SSR3: variants seen among roughly 807,000 people sequenced by gnomAD.
SSR3 encodes the protein signal sequence receptor subunit 3, also known as translocon-associated protein subunit gamma.
SSR3 carries 10 observed loss-of-function variants against 22.1 expected under a neutral mutation model. The ratio of observed to expected loss-of-function variants is 0.45; its 90% CI spans 0.28 to 0.77. The LOEUF is 0.77. Among genes scored for constraint, SSR3 ranks in the 30% least tolerant of loss-of-function variants. The probability of loss-of-function intolerance (pLI) is 0.13; values close to 1 mark genes in which losing one functional copy is unlikely to be tolerated. For missense variants in SSR3, 181 were observed against 220.5 expected (o/e 0.82, Z 1.13); for synonymous variants, 104 against 82.5 (o/e 1.26, Z -1.42).
chr3:156,553,949 T>C (rs1220352163), intron 1 of SSR3, 168 bp from the exon 2 acceptor site: 7 of 566,170 alleles, frequency 1.2e-5, no homozygotes, highest in East Asian at 6.4e-5. Flanking sequence ...CCAGTAACAG[T>C]ATAGTCTCAA....
chr3:156,544,164 G>A (rs1351654467), intron 4 of SSR3, 144 bp downstream of exon 4: 5 of 570,494 alleles, frequency 8.8e-6, no homozygotes, highest in Non-Finnish European at 1.4e-5. Context: ...TAAATGTCCA[G>A]AAAGTTATCT....
chr3:156,542,029 G>C lies in SSR3; in HGVS notation c.*1174C>G, dbSNP rs1210573636. On this transcript the variant is annotated 3_prime_UTR_variant, in exon 5 of 5. Coordinates refer to ENST00000265044, the MANE Select transcript of SSR3 (RefSeq NM_007107.5). ...AAAGATTAGGACTATATTTCCTTTG[G>C]GGTGCTGCTTGTAGGAAATTACTGA... The C allele has an allele frequency of 6.6e-6, 1 of 152,112 alleles. No individual in the cohort carries two copies. The allele number at this position is 152,112 out of a possible 1,614,324, so 9.4% of individuals were successfully genotyped here. A position where few individuals can be genotyped will look rare whatever the true frequency, so the allele number is the denominator to read the frequency against.
intron 2 of SSR3, among the ~76,000 whole-genome samples, chr3:156,552,668 G>A (rs1720005336): frequency 6.6e-6 from 1 of 152,116 alleles, no homozygotes; most frequent in South Asian, 2.1e-4. Context: ...GCACCTAGAT[G>A]ACCCCATCAA....
chr3:156,539,611 C>T lies in SSR3; in HGVS notation c.*3592G>A, dbSNP rs948139590. Among the ~76,000 whole-genome samples, 7 of 151,988 alleles carry T rather than the reference C, an allele frequency of 4.6e-5. No homozygotes were observed. The highest frequency in any genetic ancestry group is 1.2e-4 in the African/African-American group (5 of 41,290). ...AGGCCAACGAGAAGTTAGCCTCTATCGCCCTGAAAATTTAAACCAACCCCC... is the reference window on the plus strand; with the variant it reads ...AGGCCAACGAGAAGTTAGCCTCTATTGCCCTGAAAATTTAAACCAACCCCC... On this transcript the variant is annotated 3_prime_UTR_variant, in exon 5 of 5. Coordinates refer to ENST00000265044, the MANE Select transcript of SSR3 (RefSeq NM_007107.5).
intron 2 of SSR3, among the ~76,000 whole-genome samples, chr3:156,551,679 T>G (rs1031295676): frequency 3.3e-5 from 5 of 152,148 alleles, no homozygotes; most frequent in Non-Finnish European, 7.4e-5. Context: ...AATAAACCCC[T>G]GTTAACTGAG....
intron 3 of SSR3, among the ~76,000 whole-genome samples, chr3:156,545,205 G>A (rs1460137930): frequency 3.9e-5 from 6 of 152,208 alleles, no homozygotes; most frequent in African/African-American, 1.2e-4. Context: ...TTAGTGGGAT[G>A]TGAACTCAAT....
chr3:156,553,754 T>C lies in SSR3; in HGVS notation c.161A>G (p.Asp54Gly). ...ATACAAAACAGCAGACTGAATAAGA[T>C]CCATATGCCATATTCGCCAGTATAA... ...IWLYWRIWHM[D>G]LIQSAVLYSV... Residue 54 changes from aspartate (D) to glycine (G), a missense_variant, in exon 2 of 5, where the codon GAT becomes GGT. Physicochemically the swap from Asp to Gly is moderately conservative, Grantham distance 94 (BLOSUM62 -1). Coordinates refer to ENST00000265044, the MANE Select transcript of SSR3 (RefSeq NM_007107.5). The C allele has an allele frequency of 6.2e-7, 1 of 1,612,206 alleles. No individual in the cohort carries two copies.
intron 2 of SSR3, among the ~76,000 whole-genome samples, chr3:156,551,005 G>A (rs1303921175): frequency 6.6e-6 from 1 of 152,200 alleles, no homozygotes; most frequent in African/African-American, 2.4e-5. Flanking sequence ...TGTCAACGCT[G>A]AAGCCATCTT....
At chr3:156,543,566 A>G (rs934610742) in intron 4 of SSR3, among the ~76,000 whole-genome samples, 13 of 152,374 alleles carry the variant, frequency 8.5e-5, no homozygotes, top group African/African-American at 3.1e-4. Flanking sequence ...AGCTGATCAA[A>G]GAACATGGAG....
In SSR3 at chr3:156,541,378, G is replaced by A. The variant is rs1161190086; in HGVS notation, c.*1825C>T. The A allele has an allele frequency of 6.6e-6, 1 of 151,966 alleles. No homozygotes were observed. Among genetic ancestry groups the A allele is most frequent in the Non-Finnish European group, 1.5e-5 (1 of 67,984 alleles). 9.4% of individuals were successfully genotyped at this position (151,966 alleles called of 1,614,324 possible). A position where few individuals can be genotyped will look rare whatever the true frequency, so the allele number is the denominator to read the frequency against. On this transcript the variant is annotated 3_prime_UTR_variant, in exon 5 of 5. Coordinates refer to ENST00000265044, the MANE Select transcript of SSR3 (RefSeq NM_007107.5). The stretch of plus-strand genomic sequence containing the variant: ...CATGCCACCAGTCAAACTATGGTCT[G>A]GCTTTTTTTTTTAACCAACAGTAAA...
chr3:156,544,363 G>A lies in SSR3; in HGVS notation c.436C>T (p.Leu146=). 6.3e-7 allele frequency: 1 copy of A among 1,599,406 alleles called. No individual in the cohort carries two copies. The highest frequency in any genetic ancestry group is 8.5e-7 in the Non-Finnish European group (1 of 1,172,588). ...FSIFYNNTLF[L]VVVIVASFFI... ...AAGGAAGCAACAATGACCACGACCA[G>A]GAACAGAGTGTTGTTATAGAAGATG... is the stretch of plus-strand genomic sequence containing the variant. Residue 146 remains leucine (L), a synonymous_variant, in exon 4 of 5, where the codon CTG becomes TTG. Transcript: ENST00000265044.
rs747218988 is a variant in SSR3, at chr3:156,540,721, T to C, written c.*2482A>G. On this transcript the variant is annotated 3_prime_UTR_variant, in exon 5 of 5. Coordinates refer to ENST00000265044, the MANE Select transcript of SSR3 (RefSeq NM_007107.5). ...AACACTTTAGTGCTATTTATGAGTA[T>C]GAACAAAGGAATTTAATCACTTTGA... is the stretch of plus-strand genomic sequence containing the variant. 1.1e-4 allele frequency: 16 copies of C among 152,198 alleles called. No homozygotes were observed. Among genetic ancestry groups the C allele is most frequent in the Non-Finnish European group, 1.8e-4 (12 of 68,022 alleles). 9.4% of individuals were successfully genotyped at this position (152,198 alleles called of 1,614,324 possible). A position where few individuals can be genotyped will look rare whatever the true frequency, so the allele number is the denominator to read the frequency against.
chr3:156,552,247 T>C (rs1016866879), intron 2 of SSR3, among the ~76,000 whole-genome samples: 1 of 145,334 alleles, frequency 6.9e-6, no homozygotes. Flanking sequence ...GAGGTTGCAG[T>C]AAGCCAAGAT....
rs554642154 is a variant in SSR3, at chr3:156,540,749, C to T, written c.*2454G>A. ...ACAAAGGAATTTAATCACTTTGAAT[C>T]CCAATTACAGATGAATCTTTTATTT... On this transcript the variant is annotated 3_prime_UTR_variant, in exon 5 of 5. Coordinates refer to ENST00000265044, the MANE Select transcript of SSR3 (RefSeq NM_007107.5). 6.6e-6 allele frequency: 1 copy of T among 152,084 alleles called. No individual in the cohort carries two copies. The highest frequency in any genetic ancestry group is 2.1e-4 in the South Asian group (1 of 4,814). The allele number at this position is 152,084 out of a possible 1,614,324, so 9.4% of individuals were successfully genotyped here. A position where few individuals can be genotyped will look rare whatever the true frequency, so the allele number is the denominator to read the frequency against.
In SSR3 at chr3:156,542,614, T is replaced by C. The variant is rs1719600884; in HGVS notation, c.*589A>G. On this transcript the variant is annotated 3_prime_UTR_variant, in exon 5 of 5. Coordinates refer to ENST00000265044, the MANE Select transcript of SSR3 (RefSeq NM_007107.5). ...ACTATTTTTAGGTTACTACCTTGGC[T>C]GCCCTTCTTTAAGAAAAAAAAAAGA... 1 of 151,966 alleles carries C rather than the reference T, an allele frequency of 6.6e-6. No homozygotes were observed. Among genetic ancestry groups the C allele is most frequent in the Non-Finnish European group, 1.5e-5 (1 of 68,018 alleles). 9.4% of individuals were successfully genotyped at this position (151,966 alleles called of 1,614,324 possible). A position where few individuals can be genotyped will look rare whatever the true frequency, so the allele number is the denominator to read the frequency against.
rs1719574552 is a variant in SSR3, at chr3:156,542,275, G to C, written c.*928C>G. 4 of 152,276 alleles carry C rather than the reference G, an allele frequency of 2.6e-5. No homozygotes were observed. The South Asian group carries it at 8.3e-4, about 32-fold the overall frequency. The allele number at this position is 152,276 out of a possible 1,614,324, so 9.4% of individuals were successfully genotyped here. On this transcript the variant is annotated 3_prime_UTR_variant, in exon 5 of 5. Transcript: ENST00000265044. ...CTGTGAACTAAAGAGTCAAATGTAT[G>C]AAAGTCCTCATGGAAAAATGCTGAC...
At position 156,543,919 on chromosome 3, in the gene SSR3, T is replaced by C. The variant is rs1238430830; in HGVS notation, c.491+389A>G. On this transcript the variant is annotated intron_variant, in intron 4 of 4. Transcript: ENST00000265044. ...AGCTTGAAACACTATTAAGATACAC[T>C]GGAATGAACCTATTTAACTGCATTG... 3 of 207,236 alleles carry C rather than the reference T, an allele frequency of 1.4e-5. No homozygotes were observed. The East Asian group carries it at 3.3e-4, about 22-fold the overall frequency. The allele number at this position is 207,236 out of a possible 1,614,324, so 12.8% of individuals were successfully genotyped here.
At position 156,543,816 on chromosome 3, in the gene SSR3, G is replaced by A. The variant is rs116335903; in HGVS notation, c.491+492C>T. ...ATAATCACCAATTGTTAAAATCTTG[G>A]CTGCACATTCCTGGATAACATCTTT... On this transcript the variant is annotated intron_variant, in intron 4 of 4. Transcript: ENST00000265044. 1.7e-3 allele frequency: 270 copies of A among 157,788 alleles called. 1 individual carries two copies. Among genetic ancestry groups the A allele is most frequent in the Non-Finnish European group, 2.9e-3 (212 of 72,068 alleles). The allele number at this position is 157,788 out of a possible 1,614,324, so 9.8% of individuals were successfully genotyped here.
chr3:156,548,909 C>A lies in SSR3; in HGVS notation c.355G>T (p.Glu119Ter), dbSNP rs1203799322. Residue 119 changes from glutamate (E) to a stop codon, truncating the protein, a stop_gained, in exon 3 of 5, where the codon GAA (glutamate) becomes TAA (stop). Transcript: ENST00000265044. LOFTEE classifies it high-confidence loss of function. ...NRKMSRKEKD[E>*]RILWKKNEVA... ...TACTTTAAACAGGAGTCAAACCTTT[C>A]ATCTTTCTCCTTCCGAGACATCTTT... 6.2e-7 allele frequency: 1 copy of A among 1,613,210 alleles called. No homozygotes were observed. Among genetic ancestry groups the A allele is most frequent in the Non-Finnish European group, 8.5e-7 (1 of 1,179,854 alleles).
Sources: allele counts gnomAD v4.1 joint callset (sites outside exome capture counted in the v4.1 genomes callset), GRCh38; gene constraint gnomAD v4.1.1; transcripts MANE v1.5; gene names NCBI Gene and HGNC (gene_info 2026-07-23, HGNC 2026-07-21).